The following GLB1 variants were observed in gnomAD, a reference collection of about 807,000 sequenced individuals.
GLB1 encodes the protein beta-galactosidase.
GLB1 carries 56 observed loss-of-function variants against 74.0 expected under a neutral mutation model. The ratio of observed to expected loss-of-function variants is 0.76; its 90% CI spans 0.61 to 0.94. The LOEUF (loss-of-function observed/expected upper bound fraction) is 0.94. Among genes scored for constraint, GLB1 ranks in the 40% least tolerant of loss-of-function variants. The probability of loss-of-function intolerance (pLI) is 0.00; values close to 1 mark genes in which losing one functional copy is unlikely to be tolerated. For missense variants in GLB1, 787 were observed against 845.5 expected, an observed-to-expected ratio of 0.93 and a Z score of 0.86; for synonymous variants, 323 against 323.6, an observed-to-expected ratio of 1.00 and a Z score of 0.02.
chr3:33,062,853 A>G (rs942818476), intron 5 of GLB1, among the ~76,000 whole-genome samples: 7 of 152,218 alleles, frequency 4.6e-5, no homozygotes, highest in African/African-American at 1.4e-4. Context: ...CCTTCTTATC[A>G]AAGCAATCAG....
At chr3:33,047,557 A>T (rs2125516056) in intron 9 of GLB1, among the ~76,000 whole-genome samples, 1 of 152,354 alleles carries the variant, frequency 6.6e-6, no homozygotes, top group Non-Finnish European at 1.5e-5. Flanking sequence ...TTGCAATGCA[A>T]GTGTGTGAGA....
the GLB1 span, among the ~76,000 whole-genome samples, chr3:32,969,901 G>A: frequency 6.6e-6 from 1 of 152,212 alleles, no homozygotes; most frequent in African/African-American, 2.4e-5. Flanking sequence ...TTGGCCCCCG[G>A]GAGTTCAGGA....
chr3:33,014,358 G>A (rs757418009), intron 14 of GLB1, 48 bp from the exon 15 acceptor site: 55 of 1,602,890 alleles, frequency 3.4e-5, no homozygotes, highest in Non-Finnish European at 4.5e-5. Context: ...GAAGGAAAAA[G>A]GCTTCACATG....
the GLB1 span, among the ~76,000 whole-genome samples, chr3:32,990,712 G>T: frequency 6.6e-6 from 1 of 152,116 alleles, no homozygotes. Context: ...GGTGGCTCAC[G>T]CCTGTAATCC....
rs1444229820 is a variant in GLB1, at chr3:33,077,105, G to A, written c.76-4392C>T. ...AGTGTCTCCCTCACCCACTGCTGCCGCCTCCTTCTTCTCCCACTCCTGTTG... is the reference window on the plus strand; with the variant it reads ...AGTGTCTCCCTCACCCACTGCTGCCACCTCCTTCTTCTCCCACTCCTGTTG... On this transcript the variant is annotated intron_variant, in intron 1 of 15. Coordinates refer to ENST00000307363, the MANE Select transcript of GLB1 (RefSeq NM_000404.4). 1.1e-5 allele frequency: 15 copies of A among 1,408,066 alleles called. No homozygotes were observed. The East Asian group carries it at 3.0e-4, about 28-fold the overall frequency. The allele number at this position is 1,408,066 out of a possible 1,614,324, so 87.2% of individuals were successfully genotyped here. A position where few individuals can be genotyped will look rare whatever the true frequency, so the allele number is the denominator to read the frequency against.
At chr3:33,041,662 A>C (rs201631011) in intron 10 of GLB1, among the ~76,000 whole-genome samples, 1 of 67,582 alleles carries the variant, frequency 1.5e-5, no homozygotes, top group South Asian at 8.2e-4. Flanking sequence ...CCCTGTCTTC[A>C]AAAAAAAAAA....
chr3:33,092,875 T>G (rs1380240764), intron 1 of GLB1: 1 of 1,613,024 alleles, frequency 6.2e-7, no homozygotes, highest in South Asian at 1.1e-5. Flanking sequence ...ATCTCGGCCC[T>G]GCTACCCAGC....
Position 33,096,552 on chromosome 3 carries a change from C to T in GLB1, c.75+459G>A, listed in dbSNP as rs189634581. On this transcript the variant is annotated intron_variant, in intron 1 of 15. Transcript: ENST00000307363. ...CCCAGAGGGGAAATAACCCAATGTT[C>T]CCACTGCAAGGGCCTCTCCTGACCC... The T allele has an allele frequency of 1.3e-3, 1,257 of 984,934 alleles. 24 individuals are homozygous for T. In the South Asian group the frequency reaches 0.037, roughly 29 times the overall value. 61.0% of individuals were successfully genotyped at this position (984,934 alleles called of 1,614,324 possible). A position where few individuals can be genotyped will look rare whatever the true frequency, so the allele number is the denominator to read the frequency against.
chr3:33,018,690 G>T (rs1051977177), intron 12 of GLB1, 129 bp from the exon 13 acceptor site: 3 of 983,380 alleles, frequency 3.1e-6, no homozygotes, highest in Admixed American at 2.5e-5. Context: ...TCCACCTCCC[G>T]AAAAAATTAA....
the GLB1 span, among the ~76,000 whole-genome samples, chr3:32,978,921 G>A: frequency 4.5e-5 from 6 of 134,338 alleles, no homozygotes; most frequent in Non-Finnish European, 6.5e-5. Flanking sequence ...CACCACACCC[G>A]GCTAATTTTT....
At chr3:32,997,992 A>G (rs144369099) in intron 15 of GLB1, among the ~76,000 whole-genome samples, 1 of 152,282 alleles carries the variant, frequency 6.6e-6, no homozygotes, top group African/African-American at 2.4e-5. Context: ...TTGGGTGTCT[A>G]TATTACTGCT....
intron 5 of GLB1, among the ~76,000 whole-genome samples, chr3:33,061,941 T>A (rs925426225): frequency 6.6e-6 from 1 of 152,200 alleles, no homozygotes; most frequent in Non-Finnish European, 1.5e-5. Flanking sequence ...CCTGGTTTCC[T>A]GTATCTGTAA....
intron 15 of GLB1, among the ~76,000 whole-genome samples, chr3:33,006,403 C>A (rs1696790721): frequency 6.6e-6 from 1 of 152,102 alleles, no homozygotes; most frequent in Admixed American, 6.5e-5. Context: ...ACAGTTTCAT[C>A]CCAAAACCAT....
the GLB1 span, among the ~76,000 whole-genome samples, chr3:32,967,237 T>C: frequency 6.6e-6 from 1 of 152,146 alleles, no homozygotes; most frequent in Non-Finnish European, 1.5e-5. Flanking sequence ...TTCTAAGAAA[T>C]CCACTATAAA....
At chr3:33,060,764 C>T (rs1397270738) in intron 5 of GLB1, among the ~76,000 whole-genome samples, 1 of 152,202 alleles carries the variant, frequency 6.6e-6, no homozygotes, top group African/African-American at 2.4e-5. Flanking sequence ...TAGTCACAGG[C>T]ACGGCTGGCA....
At chr3:33,039,308 A>T (rs1698410646) in intron 10 of GLB1, among the ~76,000 whole-genome samples, 1 of 137,174 alleles carries the variant, frequency 7.3e-6, no homozygotes, top group Non-Finnish European at 1.6e-5. Flanking sequence ...AAAAAAAAAA[A>T]GGAAAAAAAA....
chr3:33,031,831 CTT>C (rs1698057599), intron 10 of GLB1, among the ~76,000 whole-genome samples: 1 of 151,262 alleles, frequency 6.6e-6, no homozygotes, highest in Non-Finnish European at 1.5e-5. Context: ...GAGTTTTGCT[CTT>C]GTTACCCAGG....
At chr3:33,096,464 A>C in intron 1 of GLB1, 1 of 984,302 alleles carries the variant, frequency 1.0e-6, no homozygotes. Context: ...AGAAAAACCC[A>C]AGCCAAAGGG....
the GLB1 span, among the ~76,000 whole-genome samples, chr3:32,982,407 G>T: frequency 2.7e-5 from 4 of 150,730 alleles, no homozygotes; most frequent in Non-Finnish European, 5.9e-5. Flanking sequence ...TTTTGGGGGA[G>T]TATATTTAAT....
Sources: allele counts gnomAD v4.1 joint callset (sites outside exome capture counted in the v4.1 genomes callset), GRCh38; gene constraint gnomAD v4.1.1; transcripts MANE v1.5; gene names NCBI Gene and HGNC (gene_info 2026-07-23, HGNC 2026-07-21).